Variants in ZNF331 observed in about 807,000 individuals in gnomAD.
ZNF331 encodes the protein C2H2-like zinc finger protein rearranged in thyroid adenomas.
Under a neutral mutation model 7.0 loss-of-function variants are expected in ZNF331, and 2 were observed. That is an observed-to-expected ratio of 0.29 (90% CI 0.12 to 0.90). The LOEUF is 0.90. ZNF331 is among the 40% of genes least tolerant of loss of function. The probability of loss-of-function intolerance (pLI) is 0.58; values close to 1 mark genes in which losing one functional copy is unlikely to be tolerated. For missense variants in ZNF331, 432 were observed against 587.7 expected (o/e 0.74, Z 2.74); for synonymous variants, 196 against 205.4 (o/e 0.95, Z 0.39).
chr19:53,533,856 C>T (rs981261334), upstream of ZNF331, among the ~76,000 whole-genome samples: 1 of 152,156 alleles, frequency 6.6e-6, no homozygotes, highest in Non-Finnish European at 1.5e-5. Flanking sequence ...GTCAAAACTC[C>T]ACATTTAACT....
At chr19:53,533,710 C>T (rs1377308023), upstream of ZNF331, among the ~76,000 whole-genome samples, 1 of 152,180 alleles carries the variant, frequency 6.6e-6, no homozygotes, top group Non-Finnish European at 1.5e-5. Flanking sequence ...ACATCTTCTT[C>T]ATGAATTGAT....
chr19:53,517,220 A>G (rs2086923517), upstream of ZNF331, among the ~76,000 whole-genome samples: 1 of 152,146 alleles, frequency 6.6e-6, no homozygotes, highest in Non-Finnish European at 1.5e-5. Context: ...TAGTAGTTGT[A>G]TAGTTAGTAG....
At chr19:53,506,444 GTCTC>G in the ZNF331 span, among the ~76,000 whole-genome samples, 1,006 of 86,162 alleles carry the variant, frequency 0.012, 28 homozygotes, top group East Asian at 0.032. Flanking sequence ...CTCTCTCTCT[GTCTC>G]TCTCTCTCTC....
intron 3 of ZNF331, among the ~76,000 whole-genome samples, chr19:53,559,336 A>G (rs1463346294): frequency 6.7e-6 from 1 of 148,906 alleles, no homozygotes; most frequent in Non-Finnish European, 1.5e-5. Flanking sequence ...ATATAGAGAC[A>G]CACACATATA....
rs546630209 is a variant in ZNF331 at position 53,559,415 on chromosome 19, C to G, written c.-74+3507C>G. Among the ~76,000 whole-genome samples the G allele has an allele frequency of 5.3e-5, 8 of 150,928 alleles. No homozygotes were observed. The South Asian group carries it at 1.5e-3, about 28-fold the overall frequency. Reference sequence around the variant, plus strand: ...ACACACCTACATATATACACACATACACATCGTACACACACACCATATATA... The same window carrying G: ...ACACACCTACATATATACACACATAGACATCGTACACACACACCATATATA... On this transcript the variant is annotated intron_variant, in intron 3 of 5. Coordinates refer to ENST00000449416, the MANE Select transcript of ZNF331 (RefSeq NM_001079906.2).
At chr19:53,562,842 G>T (rs1041244765) in intron 3 of ZNF331, among the ~76,000 whole-genome samples, 1 of 151,662 alleles carries the variant, frequency 6.6e-6, no homozygotes, top group Non-Finnish European at 1.5e-5. Context: ...ACAAAAAATA[G>T]CCGGGCATGG....
upstream of ZNF331, among the ~76,000 whole-genome samples, chr19:53,516,682 C>A (rs1459454116): frequency 6.6e-6 from 1 of 152,038 alleles, no homozygotes; most frequent in Non-Finnish European, 1.5e-5. Context: ...TAGTCCAGAG[C>A]TTTTTAAATA....
intron 5 of ZNF331, among the ~76,000 whole-genome samples, chr19:53,574,937 CTTT>C (rs11354144): frequency 9.6e-4 from 115 of 119,490 alleles, no homozygotes; most frequent in East Asian, 5.4e-3. Flanking sequence ...TTTTTCTTTT[CTTT>C]TTTTTTTTTT....
upstream of ZNF331, among the ~76,000 whole-genome samples, chr19:53,519,051 G>A (rs2086975148): frequency 6.6e-6 from 1 of 152,212 alleles, no homozygotes; most frequent in Non-Finnish European, 1.5e-5. Flanking sequence ...TGGAATGCAA[G>A]ATGGAGTCTT....
chr19:53,518,142 G>C (rs1648700052), upstream of ZNF331, among the ~76,000 whole-genome samples: 1 of 152,236 alleles, frequency 6.6e-6, no homozygotes, highest in Non-Finnish European at 1.5e-5. Context: ...GTAGAACACA[G>C]AAGGCAGAAG....
chr19:53,519,052 A>G (rs891241414), upstream of ZNF331, among the ~76,000 whole-genome samples: 2 of 152,222 alleles, frequency 1.3e-5, no homozygotes, highest in African/African-American at 4.8e-5. Context: ...GGAATGCAAG[A>G]TGGAGTCTTT....
chr19:53,537,708 C>G (rs1028174701), upstream of ZNF331: 6 of 152,272 alleles, frequency 3.9e-5, no homozygotes, highest in African/African-American at 9.6e-5. Context: ...CCCGCGTCCT[C>G]TTCTAGCCTC....
chr19:53,551,459 C>T (rs1600341553), intron 2 of ZNF331, among the ~76,000 whole-genome samples: 1 of 152,216 alleles, frequency 6.6e-6, no homozygotes, highest in Admixed American at 6.5e-5. Flanking sequence ...TACCTGTGAG[C>T]ATGTGGGGAT....
chr19:53,508,973 A>G, the ZNF331 span, among the ~76,000 whole-genome samples: 1 of 152,136 alleles, frequency 6.6e-6, no homozygotes. Context: ...AGGTCCTAGG[A>G]GCACTGAAGA....
rs8110350 is a variant in ZNF331 at position 53,578,661 on chromosome 19, A to G, written c.*709A>G. 152,098 of 205,582 alleles carry G rather than the reference A, an allele frequency of 0.74. 57,092 individuals are homozygous for G. The highest frequency in any genetic ancestry group is 0.89 in the African/African-American group (38,784 of 43,688). The allele number at this position is 205,582 out of a possible 1,614,324, so 12.7% of individuals were successfully genotyped here. On this transcript the variant is annotated 3_prime_UTR_variant, in exon 6 of 6. Transcript: ENST00000449416. ...TTTCAGGTGTCCACTGCGGGTCTTCAAACGTACCCCCCTCAGGTGAGAGGG... is the reference window on the plus strand; with the variant it reads ...TTTCAGGTGTCCACTGCGGGTCTTCGAACGTACCCCCCTCAGGTGAGAGGG...
At chr19:53,549,954 T>G (rs939743204) in intron 2 of ZNF331, among the ~76,000 whole-genome samples, 3 of 152,212 alleles carry the variant, frequency 2.0e-5, no homozygotes, top group African/African-American at 7.2e-5. Flanking sequence ...ACATTTACGT[T>G]TGTCTCAAAA....
chr19:53,522,253 TTTG>T (rs1453217195), intron 1 of ZNF331, among the ~76,000 whole-genome samples: 1 of 133,636 alleles, frequency 7.5e-6, no homozygotes, highest in Non-Finnish European at 1.6e-5. Flanking sequence ...ATTTTCTTTC[TTTG>T]TTTTTTTTTT....
chr19:53,551,199 C>CA (rs1050468001), intron 2 of ZNF331, among the ~76,000 whole-genome samples: 1 of 151,872 alleles, frequency 6.6e-6, no homozygotes, highest in African/African-American at 2.4e-5. Flanking sequence ...AGGCCAACTG[C>CA]AAAAAAATTC....
At chr19:53,570,255 CAAAAAA>C (rs34199381) in intron 4 of ZNF331, among the ~76,000 whole-genome samples, 3 of 112,388 alleles carry the variant, frequency 2.7e-5, no homozygotes, top group Non-Finnish European at 5.4e-5. Context: ...GACTCTGTCT[CAAAAAA>C]AAAAAAAAAA....
Sources: allele counts gnomAD v4.1 joint callset (sites outside exome capture counted in the v4.1 genomes callset), GRCh38; gene constraint gnomAD v4.1.1; transcripts MANE v1.5; gene names NCBI Gene and HGNC (gene_info 2026-07-23, HGNC 2026-07-21).